PAQR8: variants seen among roughly 807,000 people sequenced by gnomAD.
PAQR8 encodes the protein progestin and adipoQ receptor family member 8.
Under a neutral mutation model 25.2 loss-of-function variants are expected in PAQR8, and 17 were observed. The ratio of observed to expected loss-of-function variants is 0.67; its 90% CI spans 0.46 to 1.01. The LOEUF is 1.01. Among genes scored for constraint, PAQR8 ranks in the 50% least tolerant of loss-of-function variants. PAQR8 has a pLI of 0.00. For missense variants in PAQR8, 392 were observed against 448.4 expected, an observed-to-expected ratio of 0.87 and a Z score of 1.14; for synonymous variants, 204 against 190.6, an observed-to-expected ratio of 1.07 and a Z score of -0.58.
At position 52,406,709 on chromosome 6, in the gene PAQR8, C is replaced by T. The variant is rs541918445; in HGVS notation, c.*2431C>T. On this transcript the variant is annotated 3_prime_UTR_variant, in exon 2 of 2. Coordinates refer to ENST00000442253, the MANE Select transcript of PAQR8 (RefSeq NM_133367.5). The stretch of plus-strand genomic sequence containing the variant: ...TCCTAAGTACCTGGTACTACAGGCG[C>T]GTGCCACCACACCTGGCTAATTTTT... The T allele has an allele frequency of 3.2e-5, 13 of 401,686 alleles. No individual in the cohort carries two copies. The highest frequency in any genetic ancestry group is 6.4e-4 in the Middle Eastern group (1 of 1,560). The allele number at this position is 401,686 out of a possible 1,614,324, so 24.9% of individuals were successfully genotyped here.
chr6:52,373,922 G>A (rs143506084), intron 1 of PAQR8, among the ~76,000 whole-genome samples: 1 of 152,152 alleles, frequency 6.6e-6, no homozygotes, highest in Non-Finnish European at 1.5e-5. Flanking sequence ...TGGAAGTGGG[G>A]CATGGTGACT....
chr6:52,397,410 A>G (rs951982875), intron 1 of PAQR8, among the ~76,000 whole-genome samples: 3 of 151,804 alleles, frequency 2.0e-5, no homozygotes, highest in Admixed American at 6.6e-5. Flanking sequence ...CTTCCCCCCA[A>G]CGCTGCCCCA....
intron 1 of PAQR8, among the ~76,000 whole-genome samples, chr6:52,392,733 G>A (rs1386014670): frequency 6.6e-6 from 1 of 152,190 alleles, no homozygotes; most frequent in Non-Finnish European, 1.5e-5. Flanking sequence ...CACCAGTTCT[G>A]TAAAGCTAGC....
intron 1 of PAQR8, among the ~76,000 whole-genome samples, chr6:52,394,377 T>C (rs1485326625): frequency 6.6e-6 from 1 of 152,236 alleles, no homozygotes; most frequent in Non-Finnish European, 1.5e-5. Context: ...GGAAATGCAT[T>C]TTAGGTAGTT....
chr6:52,372,203 GCTGGAAATGA>G (rs905296509), intron 1 of PAQR8, among the ~76,000 whole-genome samples: 1 of 152,182 alleles, frequency 6.6e-6, no homozygotes, highest in Non-Finnish European at 1.5e-5. Flanking sequence ...TTAGCTTTTG[GCTGGAAATGA>G]CAGTAGCTCA....
chr6:52,386,112 CATT>C (rs1763630066), intron 1 of PAQR8, among the ~76,000 whole-genome samples: 1 of 152,142 alleles, frequency 6.6e-6, no homozygotes, highest in Admixed American at 6.5e-5. Flanking sequence ...CATCACTAAT[CATT>C]AGAGAAATGC....
In PAQR8 at chr6:52,403,717, C is replaced by T. The variant is rs1398689557; in HGVS notation, c.504C>T (p.Asp168=). 3.1e-6 allele frequency: 5 copies of T among 1,614,248 alleles called. 1 individual carries two copies. The South Asian group carries it at 4.4e-5, about 14-fold the overall frequency. ...SALAHFFYSS[D]QAWYDRFWLF... ...TGGCTCATTTCTTCTACAGCTCTGACCAGGCCTGGTATGACCGGTTCTGGC... is the reference window on the plus strand; with the variant it reads ...TGGCTCATTTCTTCTACAGCTCTGATCAGGCCTGGTATGACCGGTTCTGGC... The change falls in exon 2 of 2, where the codon GAC becomes GAT. Residue 168 remains aspartate, a synonymous_variant. Coordinates refer to ENST00000442253, the MANE Select transcript of PAQR8 (RefSeq NM_133367.5).
At chr6:52,398,741 A>G (rs1281326886) in intron 1 of PAQR8, among the ~76,000 whole-genome samples, 1 of 151,836 alleles carries the variant, frequency 6.6e-6, no homozygotes, top group Non-Finnish European at 1.5e-5. Context: ...TTTAGTAGAG[A>G]TGGTGTTTCA....
chr6:52,390,515 C>T (rs907803939), intron 1 of PAQR8, among the ~76,000 whole-genome samples: 1 of 151,906 alleles, frequency 6.6e-6, no homozygotes, highest in African/African-American at 2.4e-5. Flanking sequence ...AGATCTGTGG[C>T]AAAAAGGTGT....
At chr6:52,374,751 C>G (rs1028353410) in intron 1 of PAQR8, among the ~76,000 whole-genome samples, 1 of 152,014 alleles carries the variant, frequency 6.6e-6, no homozygotes, top group Admixed American at 6.6e-5. Flanking sequence ...CCTGTCCTGT[C>G]CCATCACAGA....
chr6:52,390,680 C>T (rs2113946274), intron 1 of PAQR8, among the ~76,000 whole-genome samples: 1 of 152,292 alleles, frequency 6.6e-6, no homozygotes, highest in Non-Finnish European at 1.5e-5. Context: ...AAGAGAACAT[C>T]TTTGCTGCAT....
At chr6:52,375,621 T>G (rs910300098) in intron 1 of PAQR8, among the ~76,000 whole-genome samples, 3 of 152,162 alleles carry the variant, frequency 2.0e-5, no homozygotes, top group Non-Finnish European at 4.4e-5. Context: ...CAAGTGATCC[T>G]CCCTCCTCAG....
intron 1 of PAQR8, among the ~76,000 whole-genome samples, chr6:52,397,472 T>A (rs1763779887): frequency 6.6e-6 from 1 of 152,224 alleles, no homozygotes; most frequent in Non-Finnish European, 1.5e-5. Flanking sequence ...TTCGCTCTAG[T>A]TTACACTTGT....
Position 52,403,163 on chromosome 6 carries a change from T to G in PAQR8, c.-51T>G, listed in dbSNP as rs759024776. The G allele has an allele frequency of 6.7e-7, 1 of 1,501,554 alleles. No homozygotes were observed. Among genetic ancestry groups the G allele is most frequent in the African/African-American group, 1.4e-5 (1 of 71,892 alleles). 93.0% of individuals were successfully genotyped at this position (1,501,554 alleles called of 1,614,324 possible). ...CCAATTTTCCTTTCTTTTCTGCAGGTTGCATACCCTGTCCTGAGGGCGCGG... is the reference window on the plus strand; with the variant it reads ...CCAATTTTCCTTTCTTTTCTGCAGGGTGCATACCCTGTCCTGAGGGCGCGG... On this transcript the variant is annotated splice_region_variant and 5_prime_UTR_variant, in exon 2 of 2. Coordinates refer to ENST00000442253, the MANE Select transcript of PAQR8 (RefSeq NM_133367.5).
intron 1 of PAQR8, 148 bp from the exon 2 acceptor site, chr6:52,403,014 T>G: frequency 5.2e-6 from 3 of 574,918 alleles, no homozygotes; most frequent in Non-Finnish European, 9.3e-6. Context: ...GAGGTTGCAA[T>G]GAGCTGTGAT....
At chr6:52,380,715 CAACTT>C (rs993814032) in intron 1 of PAQR8, among the ~76,000 whole-genome samples, 4 of 152,152 alleles carry the variant, frequency 2.6e-5, no homozygotes, top group African/African-American at 9.7e-5. Context: ...ACCTTCCTGT[CAACTT>C]AAAGAGGGCA....
At chr6:52,369,408 AAAG>A (rs1053164023) in intron 1 of PAQR8, among the ~76,000 whole-genome samples, 4 of 152,234 alleles carry the variant, frequency 2.6e-5, no homozygotes, top group East Asian at 1.9e-4. Context: ...TAAAAGGAGC[AAAG>A]AAGAAGAAAA....
At position 52,378,183 on chromosome 6, in the gene PAQR8, T is replaced by A. The variant is rs1180098357; in HGVS notation, c.-53+15934T>A. Among the ~76,000 whole-genome samples the A allele has an allele frequency of 1.3e-4, 20 of 152,352 alleles. No individual in the cohort carries two copies. The South Asian group carries it at 3.1e-3, about 24-fold the overall frequency. On this transcript the variant is annotated intron_variant, in intron 1 of 1. Transcript: ENST00000442253. ...CACATGCAATGACCTTAGAACCATG[T>A]GTAGTAGAGAGTAAGTGCTCAATAT...
chr6:52,399,177 A>G (rs1335485074), intron 1 of PAQR8, among the ~76,000 whole-genome samples: 1 of 152,180 alleles, frequency 6.6e-6, no homozygotes, highest in Non-Finnish European at 1.5e-5. Flanking sequence ...AGTTCTATAA[A>G]TCTCTTCCTA....
Sources: allele counts gnomAD v4.1 joint callset (sites outside exome capture counted in the v4.1 genomes callset), GRCh38; gene constraint gnomAD v4.1.1; transcripts MANE v1.5; gene names NCBI Gene and HGNC (gene_info 2026-07-23, HGNC 2026-07-21).